The following SEMA6D variants were observed in gnomAD, a reference collection of about 807,000 sequenced individuals.
The protein encoded by SEMA6D is semaphorin-6D.
A neutral mutation model predicts 106.6 loss-of-function variants in SEMA6D; 35 were observed. The ratio of observed to expected loss-of-function variants is 0.33; its 90% confidence interval spans 0.25 to 0.44. SEMA6D has a LOEUF of 0.44. Among genes scored for constraint, SEMA6D ranks in the 20% least tolerant of loss-of-function variants. The probability of loss-of-function intolerance (pLI) is 1.00; values close to 1 mark genes in which losing one functional copy is unlikely to be tolerated. For missense variants in SEMA6D, 1,185 were observed against 1,345.9 expected (o/e 0.88, Z 1.87); for synonymous variants, 499 against 487.7 (o/e 1.02, Z -0.31).
At chr15:47,647,397 T>A (rs1281357768) in intron 4 of SEMA6D, among the ~76,000 whole-genome samples, 2 of 152,212 alleles carry the variant, frequency 1.3e-5, no homozygotes, top group Non-Finnish European at 2.9e-5. Flanking sequence ...ATTGTATTCA[T>A]GGAAGGTCTT....
chr15:47,281,238 A>G (rs558475632), intron 1 of SEMA6D, among the ~76,000 whole-genome samples: 1 of 135,898 alleles, frequency 7.4e-6, no homozygotes, highest in African/African-American at 2.7e-5. Context: ...TATATTTAGG[A>G]TAGTTATCTC....
At chr15:47,251,633 C>A (rs1286193485) in intron 1 of SEMA6D, among the ~76,000 whole-genome samples, 10 of 152,000 alleles carry the variant, frequency 6.6e-5, no homozygotes, top group Non-Finnish European at 5.9e-5. Flanking sequence ...TTGAATAACA[C>A]ATTATAAAAG....
chr15:47,570,869 A>C (rs1207820965), intron 3 of SEMA6D, among the ~76,000 whole-genome samples: 1 of 152,242 alleles, frequency 6.6e-6, no homozygotes, highest in Non-Finnish European at 1.5e-5. Flanking sequence ...GGGGTGTCTC[A>C]GTGATGGAGT....
chr15:47,659,216 C>T (rs1236934167), intron 4 of SEMA6D, among the ~76,000 whole-genome samples: 1 of 151,642 alleles, frequency 6.6e-6, no homozygotes, highest in Non-Finnish European at 1.5e-5. Context: ...AAATGTATTT[C>T]TACATTAAAC....
chr15:47,451,994 G>A (rs137859406), intron 2 of SEMA6D, among the ~76,000 whole-genome samples: 9 of 152,060 alleles, frequency 5.9e-5, no homozygotes, highest in East Asian at 3.9e-4. Flanking sequence ...ACCTGATCGC[G>A]TCTTTTTGTG....
chr15:47,314,996 G>C (rs1004951996), intron 1 of SEMA6D, among the ~76,000 whole-genome samples: 1 of 150,594 alleles, frequency 6.6e-6, no homozygotes, highest in African/African-American at 2.4e-5. Context: ...CTCCCGAGTA[G>C]CTGGGACTAC....
chr15:47,700,127 A>AG (rs926843108), intron 4 of SEMA6D, among the ~76,000 whole-genome samples: 2 of 135,046 alleles, frequency 1.5e-5, no homozygotes, highest in Non-Finnish European at 3.2e-5. Flanking sequence ...GAAATAAATC[A>AG]AAAAGGAACT....
chr15:47,514,515 CT>C (rs1168649232), intron 3 of SEMA6D, among the ~76,000 whole-genome samples: 1 of 152,188 alleles, frequency 6.6e-6, no homozygotes, highest in Non-Finnish European at 1.5e-5. Context: ...ATTACCACTC[CT>C]TTTTTCAGCG....
intron 3 of SEMA6D, among the ~76,000 whole-genome samples, chr15:47,505,654 G>A (rs538188093): frequency 5.3e-4 from 80 of 152,104 alleles, no homozygotes; most frequent in African/African-American, 1.4e-3. Context: ...ACTCTAAAAC[G>A]GTTCAGCAAG....
At chr15:47,532,024 G>T (rs72733857) in intron 3 of SEMA6D, among the ~76,000 whole-genome samples, 2 of 151,958 alleles carry the variant, frequency 1.3e-5, no homozygotes, top group African/African-American at 4.8e-5. Flanking sequence ...ATACACTCCA[G>T]CCCCACTCCC....
intron 1 of SEMA6D, among the ~76,000 whole-genome samples, chr15:47,186,208 G>C (rs1272871065): frequency 6.6e-6 from 1 of 152,126 alleles, no homozygotes; most frequent in East Asian, 1.9e-4. Context: ...CCTGCTAAGT[G>C]TATCAATCTG....
intron 1 of SEMA6D, among the ~76,000 whole-genome samples, chr15:47,351,822 C>A: frequency 6.6e-6 from 1 of 152,082 alleles, no homozygotes; most frequent in Admixed American, 6.6e-5. Flanking sequence ...AATTTAGAAC[C>A]TTTCATATAT....
intron 1 of SEMA6D, among the ~76,000 whole-genome samples, chr15:47,366,516 A>G: frequency 6.6e-6 from 1 of 152,230 alleles, no homozygotes. Flanking sequence ...ATTACACTGC[A>G]GGCCCTAAGA....
At chr15:47,603,554 T>A (rs1312767059) in intron 4 of SEMA6D, 3 of 152,134 alleles carry the variant, frequency 2.0e-5, no homozygotes, top group Non-Finnish European at 4.4e-5. Flanking sequence ...AAGTTCCTCA[T>A]CTGTAAAATA....
chr15:47,463,951 T>C (rs12898308), intron 2 of SEMA6D, among the ~76,000 whole-genome samples: 57,381 of 152,040 alleles, frequency 0.38, 11,612 homozygotes, highest in African/African-American at 0.51. Flanking sequence ...GTCTTCTCTT[T>C]CGTTTATCTG....
rs1162290452 is a variant in SEMA6D at position 47,652,906 on chromosome 15, C to T, written c.-55+52010C>T. ...AGCTCTCAATCCAGCTGCAATAAAG[C>T]TAGGGTTAAATCAAATCATTTTTCA... is the stretch of plus-strand genomic sequence containing the variant. On this transcript the variant is annotated intron_variant, in intron 4 of 19. Transcript: ENST00000558014. 2.6e-5 allele frequency among the ~76,000 whole-genome samples: 4 copies of T among 152,112 alleles called. No individual in the cohort carries two copies. In the South Asian group the frequency reaches 8.3e-4, roughly 32 times the overall value.
At chr15:47,713,192 T>C (rs570021586), upstream of SEMA6D, among the ~76,000 whole-genome samples, 4 of 152,294 alleles carry the variant, frequency 2.6e-5, no homozygotes, top group South Asian at 8.3e-4. Flanking sequence ...GTTCCATAAA[T>C]GCATGGTGTA....
At chr15:47,444,941 T>TGTGGGGGTTTTACTGAGCG (rs2041985556) in intron 2 of SEMA6D, among the ~76,000 whole-genome samples, 1 of 152,004 alleles carries the variant, frequency 6.6e-6, no homozygotes, top group African/African-American at 2.4e-5. Flanking sequence ...GAAGGATGAA[T>TGTGGGGGTTTTACTGAGCG]GTGGGGGTTT....
At chr15:47,213,065 T>G (rs2030197274) in intron 1 of SEMA6D, among the ~76,000 whole-genome samples, 1 of 127,564 alleles carries the variant, frequency 7.8e-6, no homozygotes, top group African/African-American at 3.0e-5. Flanking sequence ...CTTTCTGAAG[T>G]GTTGGCAATG....
Sources: allele counts gnomAD v4.1 joint callset (sites outside exome capture counted in the v4.1 genomes callset), GRCh38; gene constraint gnomAD v4.1.1; transcripts MANE v1.5; gene names NCBI Gene and HGNC (gene_info 2026-07-23, HGNC 2026-07-21).